Variants in RAB3C observed in about 807,000 individuals in gnomAD.
RAB3C encodes the protein ras-related protein Rab-3C.
RAB3C carries 17 observed loss-of-function variants against 26.4 expected under a neutral mutation model. The observed-to-expected ratio is 0.64, with a 90% confidence interval of 0.44 to 0.97. The LOEUF (loss-of-function observed/expected upper bound fraction) is 0.97, where lower values mean the gene tolerates loss of function less well. RAB3C is among the 50% of genes least tolerant of loss of function. The probability of loss-of-function intolerance (pLI) is 0.00; values close to 1 mark genes in which losing one functional copy is unlikely to be tolerated. For missense variants in RAB3C, 242 were observed against 281.9 expected (o/e 0.86, Z 1.01); for synonymous variants, 91 against 95.9 (o/e 0.95, Z 0.30).
intron 3 of RAB3C, among the ~76,000 whole-genome samples, chr5:58,763,296 G>C (rs1247921899): frequency 6.6e-6 from 1 of 152,190 alleles, no homozygotes; most frequent in Non-Finnish European, 1.5e-5. Flanking sequence ...CTTTGTCCCA[G>C]AATTTTAGAG....
At chr5:58,765,847 T>C (rs1017064463) in intron 3 of RAB3C, among the ~76,000 whole-genome samples, 4 of 151,896 alleles carry the variant, frequency 2.6e-5, no homozygotes, top group African/African-American at 4.8e-5. Flanking sequence ...TGGTGGGAGG[T>C]GATTGGATCA....
chr5:58,839,275 A>G (rs561173367), intron 4 of RAB3C, among the ~76,000 whole-genome samples: 12 of 150,908 alleles, frequency 8.0e-5, no homozygotes, highest in African/African-American at 2.9e-4. Flanking sequence ...TGTTTTATAT[A>G]TCTTTTGTTT....
At chr5:58,648,082 G>A (rs1429794088) in intron 2 of RAB3C, among the ~76,000 whole-genome samples, 4 of 152,032 alleles carry the variant, frequency 2.6e-5, no homozygotes, top group Non-Finnish European at 4.4e-5. Flanking sequence ...TTGCTTCCCT[G>A]GGCCACAGTT....
At chr5:58,647,200 C>T (rs1747538850) in intron 2 of RAB3C, among the ~76,000 whole-genome samples, 1 of 152,184 alleles carries the variant, frequency 6.6e-6, no homozygotes, top group Admixed American at 6.5e-5. Flanking sequence ...AGTCCGTTCT[C>T]AGACTGCTAT....
At chr5:58,635,854 G>A (rs1747279807) in intron 2 of RAB3C, among the ~76,000 whole-genome samples, 2 of 152,148 alleles carry the variant, frequency 1.3e-5, no homozygotes, top group African/African-American at 2.4e-5. Context: ...AACGCGTGGT[G>A]TTTGGTAATA....
At chr5:58,604,738 C>T (rs1746524576) in intron 1 of RAB3C, among the ~76,000 whole-genome samples, 1 of 152,140 alleles carries the variant, frequency 6.6e-6, no homozygotes, top group African/African-American at 2.4e-5. Context: ...TGCCTCCCAG[C>T]TGTGAAAGAA....
At chr5:58,805,663 A>G (rs1161800161) in intron 3 of RAB3C, among the ~76,000 whole-genome samples, 1 of 152,120 alleles carries the variant, frequency 6.6e-6, no homozygotes, top group Non-Finnish European at 1.5e-5. Flanking sequence ...CAGAGAACAT[A>G]GAAAAATGTT....
At chr5:58,650,940 A>G (rs1579838382) in intron 2 of RAB3C, among the ~76,000 whole-genome samples, 1 of 152,304 alleles carries the variant, frequency 6.6e-6, no homozygotes, top group East Asian at 1.9e-4. Context: ...GAATGTTTTT[A>G]TCAAGCAGGA....
At position 58,789,627 on chromosome 5, in the gene RAB3C, A is replaced by T. The variant is rs892350675; in HGVS notation, c.372-35411A>T. Among the ~76,000 whole-genome samples the T allele has an allele frequency of 3.3e-5, 5 of 152,184 alleles. 1 individual carries two copies. The highest frequency in any genetic ancestry group is 2.6e-4 in the Admixed American group (4 of 15,276). On this transcript the variant is annotated intron_variant, in intron 3 of 4. Coordinates refer to ENST00000282878, the MANE Select transcript of RAB3C (RefSeq NM_138453.4). ...CACACAGTTAATGAGTGGAGGAGAC[A>T]GGATTTGAACTCAGATCCATATACC...
intron 2 of RAB3C, among the ~76,000 whole-genome samples, chr5:58,695,857 G>A (rs1312413551): frequency 6.6e-6 from 1 of 152,146 alleles, no homozygotes; most frequent in Non-Finnish European, 1.5e-5. Context: ...ATATAATCAT[G>A]TCATCTGCAA....
intron 1 of RAB3C, among the ~76,000 whole-genome samples, chr5:58,596,492 T>C (rs562923448): frequency 7.2e-6 from 1 of 138,216 alleles, no homozygotes; most frequent in African/African-American, 2.7e-5. Context: ...ATAGTAAATA[T>C]ATATATAAAT....
intron 3 of RAB3C, among the ~76,000 whole-genome samples, chr5:58,740,998 G>A (rs1741262132): frequency 6.6e-6 from 1 of 152,016 alleles, no homozygotes; most frequent in South Asian, 2.1e-4. Flanking sequence ...ACAAATTTGG[G>A]GTTTTCTGTG....
At chr5:58,667,978 A>G (rs1003646911) in intron 2 of RAB3C, among the ~76,000 whole-genome samples, 2 of 152,196 alleles carry the variant, frequency 1.3e-5, no homozygotes, top group African/African-American at 4.8e-5. Flanking sequence ...TTTACTACCA[A>G]AAACAAAGAA....
chr5:58,748,980 A>G (rs1162638486), intron 3 of RAB3C, among the ~76,000 whole-genome samples: 1 of 152,158 alleles, frequency 6.6e-6, no homozygotes, highest in African/African-American at 2.4e-5. Flanking sequence ...ATGAGGCCAT[A>G]TAGTAAAGAC....
At chr5:58,805,483 G>A (rs1301394435) in intron 3 of RAB3C, among the ~76,000 whole-genome samples, 1 of 151,444 alleles carries the variant, frequency 6.6e-6, no homozygotes, top group African/African-American at 2.4e-5. Flanking sequence ...TACACAGGGG[G>A]CTGAAGCATG....
intron 1 of RAB3C, among the ~76,000 whole-genome samples, chr5:58,613,508 T>C (rs747056306): frequency 1.3e-5 from 2 of 152,112 alleles, no homozygotes; most frequent in Non-Finnish European, 2.9e-5. Context: ...GAAGGGATTG[T>C]CAGATCACAA....
chr5:58,714,976 T>C (rs1749137990), intron 2 of RAB3C, among the ~76,000 whole-genome samples: 1 of 152,002 alleles, frequency 6.6e-6, no homozygotes, highest in Admixed American at 6.6e-5. Context: ...TCAAAAATAC[T>C]ATGAGAAAGA....
rs1204993359 is a variant in RAB3C, at chr5:58,853,113, C to A, written c.*1762C>A. On this transcript the variant is annotated 3_prime_UTR_variant, in exon 5 of 5. Transcript: ENST00000282878. ...AGTACATTTCTACTTTGGTGCCCTA[C>A]AAAGCAAACCTTAGCATAGTAAAGA... 1 of 152,134 alleles carries A rather than the reference C, an allele frequency of 6.6e-6. No homozygotes were observed. Among genetic ancestry groups the A allele is most frequent in the Admixed American group, 6.5e-5 (1 of 15,272 alleles). The allele number at this position is 152,134 out of a possible 1,614,324, so 9.4% of individuals were successfully genotyped here. A position where few individuals can be genotyped will look rare whatever the true frequency, so the allele number is the denominator to read the frequency against.
chr5:58,730,198 ACTAT>A (rs995423839), intron 3 of RAB3C, among the ~76,000 whole-genome samples: 3 of 151,894 alleles, frequency 2.0e-5, no homozygotes, highest in Admixed American at 6.6e-5. Flanking sequence ...GTAGGGAAAG[ACTAT>A]CTTATTTATC....
Sources: gnomAD v4.1 joint callset for allele counts (sites outside exome capture counted in the v4.1 genomes callset) on GRCh38, gnomAD v4.1.1 for gene constraint, MANE v1.5 for transcripts, NCBI Gene and HGNC (gene_info 2026-07-23, HGNC 2026-07-21) for gene names.